The following LTBP1 variants were observed in gnomAD, a reference collection of about 807,000 sequenced individuals.
LTBP1 encodes the protein latent transforming growth factor beta binding protein 1.
A neutral mutation model predicts 207.6 loss-of-function variants in LTBP1; 129 were observed. The observed-to-expected ratio is 0.62, with a 90% CI of 0.54 to 0.72. LTBP1 has a LOEUF of 0.72. Ranked by LOEUF, LTBP1 falls within the 30% of genes least tolerant of loss-of-function variation. The pLI is 0.00. For missense variants in LTBP1, 2,281 were observed against 2,217.2 expected (o/e 1.03, Z -0.58); for synonymous variants, 963 against 833.7 (o/e 1.16, Z -2.67).
chr2:33,062,431 T>C (rs2077310740), intron 3 of LTBP1, among the ~76,000 whole-genome samples: 1 of 152,360 alleles, frequency 6.6e-6, no homozygotes, highest in Admixed American at 6.5e-5. Context: ...TTTTAGCTTC[T>C]GTGTTTAGGT....
intron 20 of LTBP1, 105 bp downstream of exon 20, chr2:33,293,387 G>T: frequency 8.5e-7 from 1 of 1,181,328 alleles, no homozygotes; most frequent in South Asian, 1.9e-5. Context: ...TGTTTATTTT[G>T]ACCGAGCGAC....
At chr2:33,258,002 C>CAA (rs879501201) in intron 12 of LTBP1, among the ~76,000 whole-genome samples, 59 of 152,322 alleles carry the variant, frequency 3.9e-4, no homozygotes, top group South Asian at 6.2e-4. Context: ...GTGGTTCTTC[C>CAA]ATTTACCCTC....
intron 17 of LTBP1, 123 bp downstream of exon 17, chr2:33,275,213 C>A: frequency 8.8e-7 from 1 of 1,140,958 alleles, no homozygotes; most frequent in Non-Finnish European, 1.2e-6. Context: ...ATTATCATGA[C>A]AGCAGTCTGC....
intron 7 of LTBP1, among the ~76,000 whole-genome samples, chr2:33,202,042 C>CACACACACAG (rs1424423736): frequency 2.7e-5 from 4 of 150,808 alleles, no homozygotes; most frequent in African/African-American, 9.9e-5. Context: ...CACACACACA[C>CACACACACAG]ACACACACAC....
chr2:33,138,848 CTTTTTTTTTTTTTTT>C (rs71409603), intron 5 of LTBP1, among the ~76,000 whole-genome samples: 4 of 77,644 alleles, frequency 5.2e-5, no homozygotes, highest in South Asian at 5.4e-4. Context: ...AGTATGTTCT[CTTTTTTTTTTTTTTT>C]TTTTTTTTTT....
intron 2 of LTBP1, among the ~76,000 whole-genome samples, chr2:32,979,064 A>G (rs1218116642): frequency 6.6e-6 from 1 of 150,908 alleles, no homozygotes; most frequent in African/African-American, 2.4e-5. Context: ...TTCATCTTTG[A>G]TTTTATTTAT....
chr2:32,972,664 A>T (rs1367686322), intron 2 of LTBP1, among the ~76,000 whole-genome samples: 2 of 152,230 alleles, frequency 1.3e-5, no homozygotes, highest in South Asian at 2.1e-4. Context: ...GTGGGAGGTG[A>T]CTGGATCATG....
At position 33,243,768 on chromosome 2, in the gene LTBP1, C is replaced by A; in HGVS notation, c.1983C>A (p.Thr661=). ...AAATAGGATTTGGGCCGGATCCTAC[C>A]TTTTCAAGTTGTGTTCGTAAGTAAT... The part of the protein sequence containing the change: ...TCKIGFGPDP[T]FSSCVPDPPV... The change falls in exon 10 of 34, where the codon ACC becomes ACA. Residue 661 remains threonine, a synonymous_variant. Transcript: ENST00000404816. 1.9e-6 allele frequency: 3 copies of A among 1,614,006 alleles called. No individual in the cohort carries two copies. The highest frequency in any genetic ancestry group is 2.5e-6 in the Non-Finnish European group (3 of 1,179,934).
intron 3 of LTBP1, among the ~76,000 whole-genome samples, chr2:33,061,238 A>G (rs1048184516): frequency 6.6e-6 from 1 of 152,170 alleles, no homozygotes; most frequent in South Asian, 2.1e-4. Context: ...AATGCCTTTC[A>G]GACTAAGATG....
At chr2:33,060,150 G>A (rs1202207473) in intron 3 of LTBP1, among the ~76,000 whole-genome samples, 1 of 150,868 alleles carries the variant, frequency 6.6e-6, no homozygotes, top group African/African-American at 2.4e-5. Flanking sequence ...CCCTTCTACT[G>A]TTCAAGTGCT....
chr2:32,958,564 C>CT (rs1368577411), intron 2 of LTBP1, among the ~76,000 whole-genome samples: 1 of 152,178 alleles, frequency 6.6e-6, no homozygotes, highest in Non-Finnish European at 1.5e-5. Context: ...AAGCAGGTCC[C>CT]TTGCTTTGCC....
intron 20 of LTBP1, among the ~76,000 whole-genome samples, chr2:33,293,956 A>G (rs543275326): frequency 1.6e-5 from 2 of 122,026 alleles, no homozygotes; most frequent in African/African-American, 6.2e-5. Flanking sequence ...CAAACAAAAA[A>G]TTTTCAGCTT....
intron 2 of LTBP1, among the ~76,000 whole-genome samples, chr2:33,012,999 A>G (rs1238103122): frequency 2.0e-5 from 3 of 152,182 alleles, no homozygotes; most frequent in Admixed American, 6.5e-5. Flanking sequence ...TTATAGTTCT[A>G]ATTTTGAATG....
chr2:33,298,351 G>GCT (rs1386183556), intron 20 of LTBP1, among the ~76,000 whole-genome samples: 2 of 152,108 alleles, frequency 1.3e-5, no homozygotes, highest in African/African-American at 4.8e-5. Flanking sequence ...AGTCAGTTAC[G>GCT]TAAGATGTCT....
rs375347261 is a variant in LTBP1 at position 32,997,332 on chromosome 2, A to G, written c.566-23577A>G. On this transcript the variant is annotated intron_variant, in intron 2 of 33. Coordinates refer to ENST00000404816, the MANE Select transcript of LTBP1 (RefSeq NM_206943.4). ...TTGAGACCAGCTGGGCAACAAAACAAGATCCTGTCTCTACAAAAAATAAAA... is the reference window on the plus strand; with the variant it reads ...TTGAGACCAGCTGGGCAACAAAACAGGATCCTGTCTCTACAAAAAATAAAA... 2.0e-4 allele frequency among the ~76,000 whole-genome samples: 31 copies of G among 152,264 alleles called. No homozygotes were observed. In the East Asian group the frequency reaches 2.1e-3, roughly 10 times the overall value.
In LTBP1 at chr2:33,364,106, T is replaced by C. The variant is rs922596755; in HGVS notation, c.4400-110T>C. On this transcript the variant is annotated intron_variant, in intron 29 of 33. Coordinates refer to ENST00000404816, the MANE Select transcript of LTBP1 (RefSeq NM_206943.4). Reference sequence around the variant, plus strand: ...TGATAATGTGTGGTTAATTAAAATTTGGCAGCACCTGGAATCTGGACTAAA... The same window carrying C: ...TGATAATGTGTGGTTAATTAAAATTCGGCAGCACCTGGAATCTGGACTAAA... 8.2e-6 allele frequency: 8 copies of C among 978,396 alleles called. No homozygotes were observed. The East Asian group carries it at 1.8e-4, about 21-fold the overall frequency. 60.6% of individuals were successfully genotyped at this position (978,396 alleles called of 1,614,324 possible).
At chr2:33,207,003 T>G (rs1458894462) in intron 7 of LTBP1, among the ~76,000 whole-genome samples, 1 of 152,208 alleles carries the variant, frequency 6.6e-6, no homozygotes, top group Non-Finnish European at 1.5e-5. Context: ...GATGTCAGAA[T>G]ATAATCATGA....
At chr2:33,342,217 T>C (rs760891420) in intron 24 of LTBP1, among the ~76,000 whole-genome samples, 28 of 152,180 alleles carry the variant, frequency 1.8e-4, no homozygotes, top group Non-Finnish European at 3.2e-4. Flanking sequence ...ACAAAATGAA[T>C]TGGCAAGTCA....
chr2:33,305,940 C>T (rs944482967), intron 22 of LTBP1, among the ~76,000 whole-genome samples: 41 of 152,200 alleles, frequency 2.7e-4, no homozygotes, highest in Admixed American at 2.7e-3. Context: ...GTGACCTCAA[C>T]AAGCTCAGTC....
Sources: allele counts gnomAD v4.1 joint callset (sites outside exome capture counted in the v4.1 genomes callset), GRCh38; gene constraint gnomAD v4.1.1; transcripts MANE v1.5; gene names NCBI Gene and HGNC (gene_info 2026-07-23, HGNC 2026-07-21).